Variants in SLC25A17 observed in about 807,000 individuals in gnomAD.
The protein encoded by SLC25A17 is peroxisomal membrane protein PMP34.
A neutral mutation model predicts 38.5 loss-of-function variants in SLC25A17; 26 were observed. That is an observed-to-expected ratio of 0.68 (90% CI 0.50 to 0.94). The LOEUF (loss-of-function observed/expected upper bound fraction) is 0.94. Ranked by LOEUF, SLC25A17 falls within the 40% of genes least tolerant of loss-of-function variation. SLC25A17 has a pLI of 0.00. For synonymous variants in SLC25A17, 139 were observed against 136.2 expected (o/e 1.02, Z -0.14); for missense variants, 333 against 372.7 (o/e 0.89, Z 0.88).
chr22:40,770,891 CT>C lies in SLC25A17; in HGVS notation c.866del (p.Glu289GlyfsTer3). 1 of 1,613,526 alleles carries C rather than the reference CT, an allele frequency of 6.2e-7. No homozygotes were observed. Among genetic ancestry groups the C allele is most frequent in the Non-Finnish European group, 8.5e-7 (1 of 1,179,560 alleles). ...LTAALMFLVY[E>X]KLTAATFTVM... ...CTGTGAAGGTGGCAGCTGTCAGTTTCTCATAAACAAGGAACATGAGAGCAGC... is the reference window on the plus strand; with the variant it reads ...CTGTGAAGGTGGCAGCTGTCAGTTTCCATAAACAAGGAACATGAGAGCAGC... On this transcript the variant is annotated frameshift_variant, in exon 9 of 9. Coordinates refer to ENST00000435456, the MANE Select transcript of SLC25A17 (RefSeq NM_006358.4). LOFTEE classifies it high-confidence loss of function.
intron 2 of SLC25A17, chr22:40,798,009 G>A (rs1194027183): frequency 1.3e-5 from 2 of 152,742 alleles, no homozygotes; most frequent in Admixed American, 1.3e-4. Context: ...GCGGTCCTGA[G>A]CGTCTCAGAT....
At chr22:40,791,240 T>A (rs1338945211) in intron 4 of SLC25A17, among the ~76,000 whole-genome samples, 1 of 152,170 alleles carries the variant, frequency 6.6e-6, no homozygotes, top group Non-Finnish European at 1.5e-5. Flanking sequence ...ACGAAGAGCC[T>A]GTGATGACTC....
chr22:40,789,217 G>C lies in SLC25A17; in HGVS notation c.334+3308C>G, dbSNP rs964902976. ...CACGGCCGAAGCCCCATACCACTTG[G>C]TCCCGGCAGGAGTATGACAGATGCT... On this transcript the variant is annotated intron_variant, in intron 4 of 8. Coordinates refer to ENST00000435456, the MANE Select transcript of SLC25A17 (RefSeq NM_006358.4). The surrounding 1 kb of genome is among the most constrained non-coding windows in gnomAD (Gnocchi z 4.5). 1.4e-5 allele frequency: 3 copies of C among 207,856 alleles called. No homozygotes were observed. Among genetic ancestry groups the C allele is most frequent in the African/African-American group, 2.4e-5 (1 of 42,356 alleles). The allele number at this position is 207,856 out of a possible 1,614,324, so 12.9% of individuals were successfully genotyped here.
intron 4 of SLC25A17, among the ~76,000 whole-genome samples, chr22:40,782,775 C>G (rs1423055661): frequency 6.6e-6 from 1 of 152,214 alleles, no homozygotes; most frequent in Non-Finnish European, 1.5e-5. Context: ...ACTATCACAA[C>G]AATGATAATA....
intron 1 of SLC25A17, chr22:40,814,059 T>A (rs138323): frequency 0.65 from 99,445 of 152,062 alleles, 32,976 homozygotes; most frequent in Admixed American, 0.74. Flanking sequence ...TTGACATAAG[T>A]AACTCCATCT....
At chr22:40,801,915 C>T (rs1478153782) in intron 1 of SLC25A17, among the ~76,000 whole-genome samples, 10 of 152,188 alleles carry the variant, frequency 6.6e-5, no homozygotes, top group African/African-American at 1.7e-4. Flanking sequence ...CTCAGCCTCC[C>T]GAGTAGCTGG....
At position 40,786,224 on chromosome 22, in the gene SLC25A17, T is replaced by G. The variant is rs527559849; in HGVS notation, c.334+6301A>C. Among the ~76,000 whole-genome samples the G allele has an allele frequency of 2.0e-5, 3 of 151,722 alleles. No individual in the cohort carries two copies. In the East Asian group the frequency reaches 5.8e-4, roughly 29 times the overall value. On this transcript the variant is annotated intron_variant, in intron 4 of 8. Transcript: ENST00000435456. ...TACTAGAGAGGCTGAGGCAGGAGAA[T>G]CGCTTGAACCCAGGTGGCAGAGGTT...
intron 7 of SLC25A17, among the ~76,000 whole-genome samples, chr22:40,775,877 C>A (rs540255228): frequency 6.6e-6 from 1 of 152,328 alleles, no homozygotes; most frequent in South Asian, 2.1e-4. Context: ...TGAGGCCCCC[C>A]AGCCATGCTG....
At chr22:40,796,531 C>T (rs1433546124) in intron 2 of SLC25A17, among the ~76,000 whole-genome samples, 3 of 150,736 alleles carry the variant, frequency 2.0e-5, no homozygotes, top group African/African-American at 7.3e-5. Flanking sequence ...CCCAGCTACT[C>T]GGGAGGCTGA....
At chr22:40,818,932 C>G (rs1232990792) in intron 1 of SLC25A17, among the ~76,000 whole-genome samples, 1 of 152,098 alleles carries the variant, frequency 6.6e-6, no homozygotes, top group East Asian at 1.9e-4. Flanking sequence ...GGCAAAGATG[C>G]GGACCCTGAG....
intron 1 of SLC25A17, among the ~76,000 whole-genome samples, chr22:40,814,457 T>C (rs919995584): frequency 6.6e-6 from 1 of 152,178 alleles, no homozygotes; most frequent in African/African-American, 2.4e-5. Context: ...ATCTACATCA[T>C]TTATGTATTA....
intron 4 of SLC25A17, among the ~76,000 whole-genome samples, chr22:40,783,964 C>T (rs2057315581): frequency 6.6e-6 from 1 of 152,170 alleles, no homozygotes; most frequent in Non-Finnish European, 1.5e-5. Flanking sequence ...CTCGGCCTCT[C>T]AAAGTGTTGG....
chr22:40,810,919 C>T (rs1421269899), intron 1 of SLC25A17, among the ~76,000 whole-genome samples: 2 of 152,000 alleles, frequency 1.3e-5, no homozygotes, highest in East Asian at 3.9e-4. Context: ...ATACCACATT[C>T]CCTCTTTTTT....
intron 1 of SLC25A17, among the ~76,000 whole-genome samples, chr22:40,808,830 TTCATAAG>T (rs1166453847): frequency 6.6e-6 from 1 of 152,236 alleles, no homozygotes; most frequent in African/African-American, 2.4e-5. Flanking sequence ...TAAAAACCTT[TTCATAAG>T]AATCATTATG....
In SLC25A17 at chr22:40,789,181, C is replaced by T; in HGVS notation, c.334+3344G>A. On this transcript the variant is annotated intron_variant, in intron 4 of 8. Coordinates refer to ENST00000435456, the MANE Select transcript of SLC25A17 (RefSeq NM_006358.4). The surrounding 1 kb of genome is among the most constrained non-coding windows in gnomAD (Gnocchi z 4.5). ...AAAATTAGCTGTGGGGGATGCCCAGCTGCTTGTAGCCACGGCCGAAGCCCC... is the reference window on the plus strand; with the variant it reads ...AAAATTAGCTGTGGGGGATGCCCAGTTGCTTGTAGCCACGGCCGAAGCCCC... 4.0e-6 allele frequency: 1 copy of T among 252,204 alleles called. No individual in the cohort carries two copies. 15.6% of individuals were successfully genotyped at this position (252,204 alleles called of 1,614,324 possible).
At chr22:40,773,518 C>A (rs766785136) in intron 8 of SLC25A17, among the ~76,000 whole-genome samples, 7 of 151,968 alleles carry the variant, frequency 4.6e-5, no homozygotes, top group Non-Finnish European at 7.4e-5. Flanking sequence ...CTTACCAACA[C>A]CACCATCATC....
chr22:40,784,559 G>T, intron 4 of SLC25A17: 1 of 273,208 alleles, frequency 3.7e-6, no homozygotes, highest in South Asian at 3.3e-5. Flanking sequence ...AATCTCTTGA[G>T]GCCAGGGGTT....
At chr22:40,798,788 GAAACACCGTCTGTACTAAAAAAGAGGTT>G (rs1341285458) in intron 2 of SLC25A17, among the ~76,000 whole-genome samples, 5 of 151,498 alleles carry the variant, frequency 3.3e-5, no homozygotes, top group Non-Finnish European at 2.9e-5. Context: ...CCCATATGGT[GAAACACCGTCTGTACTAAAAAAGAGGTT>G]CCTGTAATCC....
At chr22:40,810,061 GGCTCCTGACACAGA>G (rs1424657427) in intron 1 of SLC25A17, among the ~76,000 whole-genome samples, 1 of 152,014 alleles carries the variant, frequency 6.6e-6, no homozygotes, top group Non-Finnish European at 1.5e-5. Context: ...CCTCATCCTA[GGCTCCTGACACAGA>G]GCTCCTGGTA....
Sources: allele counts gnomAD v4.1 joint callset (sites outside exome capture counted in the v4.1 genomes callset), GRCh38; gene constraint gnomAD v4.1.1; non-coding constraint Gnocchi (gnomAD v3.1); transcripts MANE v1.5; gene names NCBI Gene and HGNC (gene_info 2026-07-23, HGNC 2026-07-21).